CDH12: variants seen among roughly 807,000 people sequenced by gnomAD.
The protein encoded by CDH12 is cadherin-12.
CDH12 carries 41 observed loss-of-function variants against 74.1 expected under a neutral mutation model. The ratio of observed to expected loss-of-function variants is 0.55; its 90% CI spans 0.43 to 0.72. The LOEUF (loss-of-function observed/expected upper bound fraction) is 0.72, where lower values mean the gene tolerates loss of function less well. CDH12 is among the 30% of genes least tolerant of loss of function. The pLI is 0.00. For synonymous variants in CDH12, 399 were observed against 355.0 expected (o/e 1.12, Z -1.39); for missense variants, 945 against 977.2 (o/e 0.97, Z 0.44).
intron 1 of CDH12, among the ~76,000 whole-genome samples, chr5:22,550,759 TTTG>T (rs1348346175): frequency 6.6e-5 from 10 of 152,212 alleles, no homozygotes; most frequent in Non-Finnish European, 1.5e-5. Context: ...GCTGAAAATA[TTTG>T]TTGTCTTTCC....
intron 1 of CDH12, among the ~76,000 whole-genome samples, chr5:22,739,097 A>G (rs536355798): frequency 1.3e-5 from 2 of 152,142 alleles, no homozygotes; most frequent in African/African-American, 4.8e-5. Context: ...ACTAAAGCTC[A>G]AATGTCACTA....
At chr5:21,819,919 A>G (rs1748272288) in intron 8 of CDH12, among the ~76,000 whole-genome samples, 1 of 152,012 alleles carries the variant, frequency 6.6e-6, no homozygotes, top group Admixed American at 6.6e-5. Context: ...GAGCCAGTTG[A>G]AGTTACATAT....
intron 1 of CDH12, among the ~76,000 whole-genome samples, chr5:22,601,865 T>C (rs926332600): frequency 6.6e-6 from 1 of 152,014 alleles, no homozygotes; most frequent in Non-Finnish European, 1.5e-5. Context: ...AAACTGGATA[T>C]ACTACACTGA....
At chr5:22,790,190 T>G (rs550173845) in intron 1 of CDH12, among the ~76,000 whole-genome samples, 1 of 152,104 alleles carries the variant, frequency 6.6e-6, no homozygotes, top group Non-Finnish European at 1.5e-5. Flanking sequence ...AAAACGTGTT[T>G]TGTTGGACAG....
At chr5:22,561,087 A>G (rs1473298352) in intron 1 of CDH12, among the ~76,000 whole-genome samples, 1 of 152,192 alleles carries the variant, frequency 6.6e-6, no homozygotes, top group African/African-American at 2.4e-5. Context: ...ATTCCTGGGC[A>G]GTTTTAGTTG....
At chr5:22,478,951 G>A (rs1466299530) in intron 2 of CDH12, among the ~76,000 whole-genome samples, 4 of 152,078 alleles carry the variant, frequency 2.6e-5, no homozygotes, top group African/African-American at 9.7e-5. Flanking sequence ...GATGCTCTAA[G>A]TCCAATTAGC....
intron 5 of CDH12, among the ~76,000 whole-genome samples, chr5:22,008,444 G>C (rs924632271): frequency 3.9e-5 from 6 of 151,940 alleles, no homozygotes; most frequent in African/African-American, 1.4e-4. Context: ...GGCCAGGCTG[G>C]TCTCCAACTC....
In CDH12 at chr5:21,883,466, G is replaced by T. The variant is rs1238260588; in HGVS notation, c.527-28676C>A. 7 of 1,612,170 alleles carry T rather than the reference G, an allele frequency of 4.3e-6. No individual in the cohort carries two copies. In the East Asian group the frequency reaches 1.3e-4, roughly 31 times the overall value. The stretch of plus-strand genomic sequence containing the variant: ...GTACACTCATCTTGAATAGGCTAAA[G>T]GTTGGTCTTCAGGTTGTGGCAGTCA... On this transcript the variant is annotated intron_variant, in intron 6 of 14. Transcript: ENST00000382254.
chr5:22,047,529 C>A (rs565682580), intron 5 of CDH12, among the ~76,000 whole-genome samples: 121 of 151,600 alleles, frequency 8.0e-4, no homozygotes, highest in Non-Finnish European at 1.4e-3. Flanking sequence ...AGTAAACACC[C>A]CCCCCCACAT....
chr5:22,605,674 T>C (rs1369870090), intron 1 of CDH12, among the ~76,000 whole-genome samples: 2 of 152,226 alleles, frequency 1.3e-5, no homozygotes, highest in Middle Eastern at 3.2e-3. Context: ...CGACAGCTTG[T>C]CCCTTATTCC....
At position 21,868,633 on chromosome 5, in the gene CDH12, G is replaced by A. The variant is rs141607218; in HGVS notation, c.527-13843C>T. Reference sequence around the variant, plus strand: ...TGAGAATAGTTACCCCTTTCTTCTTGGCTAACTCTCCCTTTTGGTATAGGA... The same window carrying A: ...TGAGAATAGTTACCCCTTTCTTCTTAGCTAACTCTCCCTTTTGGTATAGGA... On this transcript the variant is annotated intron_variant, in intron 6 of 14. Transcript: ENST00000382254. Among the ~76,000 whole-genome samples, 7 of 152,168 alleles carry A rather than the reference G, an allele frequency of 4.6e-5. No homozygotes were observed. The East Asian group carries it at 1.4e-3, about 30-fold the overall frequency.
At chr5:22,144,192 TAA>T (rs1170332611) in intron 4 of CDH12, 4 of 152,204 alleles carry the variant, frequency 2.6e-5, no homozygotes, top group South Asian at 2.1e-4. Context: ...CCTAGAAATA[TAA>T]GTTGTTCTTT....
rs369797039 is a variant in CDH12, at chr5:21,973,535, A to G, written c.526+1556T>C. ...CCCTAGTTATTATAGTTGGCACAAG[A>G]AAAATCCTAATTGTTTTATCCAAGG... On this transcript the variant is annotated intron_variant, in intron 6 of 14. Transcript: ENST00000382254. Among the ~76,000 whole-genome samples the G allele has an allele frequency of 2.0e-4, 30 of 152,294 alleles. No individual in the cohort carries two copies. In the South Asian group the frequency reaches 5.2e-3, roughly 26 times the overall value.
chr5:22,478,444 A>C (rs1026663957), intron 2 of CDH12, among the ~76,000 whole-genome samples: 1 of 151,176 alleles, frequency 6.6e-6, no homozygotes, highest in African/African-American at 2.4e-5. Context: ...AAAAGAAAGA[A>C]ATAATTTTCA....
intron 6 of CDH12, among the ~76,000 whole-genome samples, chr5:21,957,163 G>C (rs1045303364): frequency 6.1e-4 from 92 of 152,062 alleles, no homozygotes; most frequent in African/African-American, 2.1e-3. Context: ...AGAACATGCA[G>C]TATTTTCTAG....
At chr5:21,767,860 G>A (rs974382175) in intron 11 of CDH12, among the ~76,000 whole-genome samples, 1 of 151,604 alleles carries the variant, frequency 6.6e-6, no homozygotes, top group African/African-American at 2.4e-5. Flanking sequence ...ACTCAAATAT[G>A]AATTGAAATT....
rs549079780 is a variant in CDH12, at chr5:22,466,611, G to T, written c.-428+38659C>A. Among the ~76,000 whole-genome samples, 8 of 152,042 alleles carry T rather than the reference G, an allele frequency of 5.3e-5. No individual in the cohort carries two copies. In the South Asian group the frequency reaches 1.7e-3, roughly 32 times the overall value. ...CCACAGGCTCTGGAGTGATAAACCAGAAAAAAGAGGAGGCTGCGGTTTCCA... is the reference window on the plus strand; with the variant it reads ...CCACAGGCTCTGGAGTGATAAACCATAAAAAAGAGGAGGCTGCGGTTTCCA... On this transcript the variant is annotated intron_variant, in intron 2 of 14. Coordinates refer to ENST00000382254, the MANE Select transcript of CDH12 (RefSeq NM_004061.5).
rs115205960 is a variant in CDH12 at position 22,663,225 on chromosome 5, A to T, written c.-522-157861T>A. On this transcript the variant is annotated intron_variant, in intron 1 of 14. Transcript: ENST00000382254. ...CAAATGTAAGAAATGAAAGGAAATG[A>T]TGTCTCTCAAAGGATCATAAATATT... Among the ~76,000 whole-genome samples the T allele has an allele frequency of 1.0e-2, 1,519 of 152,308 alleles. 13 individuals carry two copies. The highest frequency in any genetic ancestry group is 0.015 in the Non-Finnish European group (1,039 of 68,012).
chr5:22,385,789 G>A (rs1741970294), intron 3 of CDH12, among the ~76,000 whole-genome samples: 1 of 151,972 alleles, frequency 6.6e-6, no homozygotes, highest in Non-Finnish European at 1.5e-5. Context: ...GACTGGGGAG[G>A]CCTCAGGAAA....
Sources: allele counts gnomAD v4.1 joint callset (sites outside exome capture counted in the v4.1 genomes callset), GRCh38; gene constraint gnomAD v4.1.1; transcripts MANE v1.5; gene names NCBI Gene and HGNC (gene_info 2026-07-23, HGNC 2026-07-21).